FILIP1: variants seen among roughly 807,000 people sequenced by gnomAD.
The protein encoded by FILIP1 is filamin-A-interacting protein 1.
Under a neutral mutation model 102.1 loss-of-function variants are expected in FILIP1, and 61 were observed. The ratio of observed to expected loss-of-function variants is 0.60; its 90% CI spans 0.49 to 0.74. The LOEUF (loss-of-function observed/expected upper bound fraction) is 0.74. Ranked by LOEUF, FILIP1 falls within the 30% of genes least tolerant of loss-of-function variation. The probability of loss-of-function intolerance (pLI) is 0.00; values close to 1 mark genes in which losing one functional copy is unlikely to be tolerated. For missense variants in FILIP1, 1,314 were observed against 1,441.2 expected, an observed-to-expected ratio of 0.91 and a Z score of 1.43; for synonymous variants, 491 against 526.9, an observed-to-expected ratio of 0.93 and a Z score of 0.93.
At chr6:75,419,918 T>G (rs1053222882) in intron 1 of FILIP1, among the ~76,000 whole-genome samples, 1 of 152,188 alleles carries the variant, frequency 6.6e-6, no homozygotes, top group African/African-American at 2.4e-5. Flanking sequence ...AAATTTTCCT[T>G]TCTTGTCTTC....
At chr6:75,471,178 A>G (rs72889070) in intron 1 of FILIP1, among the ~76,000 whole-genome samples, 26,781 of 146,040 alleles carry the variant, frequency 0.18, 2,929 homozygotes, top group African/African-American at 0.27. Flanking sequence ...AAAAAAAAAA[A>G]AAAAAGAAAA....
At chr6:75,367,906 C>A (rs1224962442) in intron 2 of FILIP1, among the ~76,000 whole-genome samples, 1 of 152,144 alleles carries the variant, frequency 6.6e-6, no homozygotes, top group Non-Finnish European at 1.5e-5. Context: ...TTAATATTTT[C>A]ACATAGAAAT....
At chr6:75,302,172 C>T (rs1032008904) in intron 6 of FILIP1, among the ~76,000 whole-genome samples, 1 of 152,138 alleles carries the variant, frequency 6.6e-6, no homozygotes, top group Non-Finnish European at 1.5e-5. Context: ...CTCCCCAGTC[C>T]AGGACTCCTG....
At chr6:75,414,622 G>T in intron 2 of FILIP1, 75 bp downstream of exon 2, 1 of 1,369,332 alleles carries the variant, frequency 7.3e-7, no homozygotes, top group Non-Finnish European at 1.0e-6. Context: ...TCAGAGAGGG[G>T]AACAGATTTA....
At chr6:75,299,964 A>C (rs183203069) in intron 6 of FILIP1, among the ~76,000 whole-genome samples, 129 of 152,256 alleles carry the variant, frequency 8.5e-4, no homozygotes, top group African/African-American at 3.0e-3. Flanking sequence ...GTGCAGAGTG[A>C]GGCAACCTCA....
At chr6:75,326,310 G>T (rs1385839259) in intron 4 of FILIP1, among the ~76,000 whole-genome samples, 3 of 152,100 alleles carry the variant, frequency 2.0e-5, no homozygotes, top group African/African-American at 4.8e-5. Flanking sequence ...AGGACGCAAA[G>T]GCATAAGAAT....
intron 4 of FILIP1, among the ~76,000 whole-genome samples, chr6:75,333,184 T>A (rs1322831478): frequency 2.0e-5 from 3 of 152,178 alleles, no homozygotes; most frequent in African/African-American, 7.2e-5. Flanking sequence ...GCAGTTGGGT[T>A]TATTGCCATG....
intron 2 of FILIP1, among the ~76,000 whole-genome samples, chr6:75,389,302 A>G (rs1776205399): frequency 1.3e-5 from 2 of 152,192 alleles, no homozygotes; most frequent in South Asian, 4.1e-4. Flanking sequence ...TTTTGCATCA[A>G]TCATCATCAG....
intron 1 of FILIP1, among the ~76,000 whole-genome samples, chr6:75,450,159 C>T (rs369979103): frequency 6.6e-6 from 1 of 151,896 alleles, no homozygotes; most frequent in Non-Finnish European, 1.5e-5. Context: ...GTGGCCCGGG[C>T]GGGTGGAGGG....
rs1423273968 is a variant in FILIP1 at position 75,461,338 on chromosome 6, A to G, written c.-7+32076T>C. Among the ~76,000 whole-genome samples, 5 of 152,212 alleles carry G rather than the reference A, an allele frequency of 3.3e-5. No homozygotes were observed. The East Asian group carries it at 7.7e-4, about 23-fold the overall frequency. On this transcript the variant is annotated intron_variant, in intron 1 of 5. Transcript: ENST00000237172. ...AAAATTTGAGCCTAAGCAATTTGGG[A>G]TCCAGAGTCTATTCTTTAACTGCCT...
At chr6:75,340,499 T>C (rs1306226036) in intron 4 of FILIP1, among the ~76,000 whole-genome samples, 1 of 152,222 alleles carries the variant, frequency 6.6e-6, no homozygotes, top group Non-Finnish European at 1.5e-5. Flanking sequence ...ATGCCATCTT[T>C]AAAATGTATT....
intron 4 of FILIP1, among the ~76,000 whole-genome samples, chr6:75,321,530 C>T (rs1773654895): frequency 1.3e-5 from 2 of 151,986 alleles, no homozygotes; most frequent in East Asian, 1.9e-4. Flanking sequence ...CGCGGTGGCT[C>T]ACGCCTGTAA....
intron 2 of FILIP1, among the ~76,000 whole-genome samples, chr6:75,371,620 C>G (rs906794597): frequency 2.0e-5 from 3 of 152,100 alleles, no homozygotes; most frequent in Admixed American, 2.0e-4. Flanking sequence ...GTCATAAAGA[C>G]AGACATACGA....
At chr6:75,407,207 C>T (rs996184767) in intron 2 of FILIP1, among the ~76,000 whole-genome samples, 3 of 151,914 alleles carry the variant, frequency 2.0e-5, no homozygotes, top group Non-Finnish European at 4.4e-5. Context: ...AATCCACAGA[C>T]GAATTATCTA....
At chr6:75,401,508 T>C (rs1776657077) in intron 2 of FILIP1, among the ~76,000 whole-genome samples, 1 of 152,186 alleles carries the variant, frequency 6.6e-6, no homozygotes. Context: ...TTCTGGTCAA[T>C]ACAGTAGCCA....
intron 1 of FILIP1, among the ~76,000 whole-genome samples, chr6:75,442,202 C>G (rs1360467755): frequency 4.0e-5 from 6 of 151,396 alleles, no homozygotes; most frequent in Admixed American, 1.3e-4. Flanking sequence ...GGATGGCGGC[C>G]GGGAAGAGGC....
intron 2 of FILIP1, among the ~76,000 whole-genome samples, chr6:75,383,584 A>G (rs539001512): frequency 6.6e-6 from 1 of 152,344 alleles, no homozygotes; most frequent in East Asian, 1.9e-4. Context: ...GGCTAATTCT[A>G]TTAATAATTT....
Position 75,414,717 on chromosome 6 carries a change from T to C in FILIP1, c.256A>G (p.Ile86Val), listed in dbSNP as rs200004173. Residue 86 changes from isoleucine (I) to valine (V), a missense_variant, in exon 2 of 6, where the codon ATA (isoleucine) becomes GTA (valine). Around this residue, in one of 3 missense-constraint regions of FILIP1, gnomAD observed 494 missense variants for 511.2 expected, o/e 0.97. Transcript: ENST00000237172. ...TCTACCTGCAACTCCCCTTCCATTA[T>C]ACTGAGTAGTTGGATGAGGTCTTCT... ...SKEDLIQLLSIMEGELQARED... is the reference protein window; with the variant it reads ...SKEDLIQLLSVMEGELQARED... The C allele has an allele frequency of 9.3e-6, 15 of 1,613,688 alleles. No homozygotes were observed. The highest frequency in any genetic ancestry group is 1.3e-5 in the African/African-American group (1 of 74,998).
intron 5 of FILIP1, 105 bp downstream of exon 5, chr6:75,312,292 A>G: frequency 9.3e-7 from 1 of 1,080,156 alleles, no homozygotes; most frequent in Non-Finnish European, 1.3e-6. Context: ...GGATTCAGGT[A>G]GCATGAGAAG....
Sources: allele counts gnomAD v4.1 joint callset (sites outside exome capture counted in the v4.1 genomes callset), GRCh38; gene constraint gnomAD v4.1.1; regional missense constraint gnomAD v4.1.1; transcripts MANE v1.5; gene names NCBI Gene and HGNC (gene_info 2026-07-23, HGNC 2026-07-21).